The following ESRRG variants were observed in gnomAD, a reference collection of about 807,000 sequenced individuals.
The protein encoded by ESRRG is estrogen-related receptor gamma.
ESRRG carries 13 observed loss-of-function variants against 44.0 expected under a neutral mutation model. The observed-to-expected ratio is 0.30, with a 90% CI of 0.19 to 0.47. The LOEUF is 0.47. Among genes scored for constraint, ESRRG ranks in the 20% least tolerant of loss-of-function variants. The pLI, the probability that ESRRG is intolerant of heterozygous loss-of-function variation, is 1.00. For synonymous variants in ESRRG, 215 were observed against 214.6 expected (o/e 1.00, Z -0.02); for missense variants, 395 against 580.6 (o/e 0.68, Z 3.29).
chr1:216,894,968 G>A (rs2058249923), intron 2 of ESRRG, among the ~76,000 whole-genome samples: 1 of 152,080 alleles, frequency 6.6e-6, no homozygotes, highest in Non-Finnish European at 1.5e-5. Flanking sequence ...GTACAGCTCT[G>A]ATTTATGTAT....
At chr1:216,531,225 C>T (rs751929742) in intron 5 of ESRRG, among the ~76,000 whole-genome samples, 18 of 152,042 alleles carry the variant, frequency 1.2e-4, no homozygotes, top group Non-Finnish European at 2.5e-4. Flanking sequence ...ATTAGAAATC[C>T]TTACTACTGA....
At chr1:216,696,515 T>C (rs965981504) in intron 1 of ESRRG, among the ~76,000 whole-genome samples, 1 of 152,160 alleles carries the variant, frequency 6.6e-6, no homozygotes, top group African/African-American at 2.4e-5. Flanking sequence ...GGTAACTTAG[T>C]CCTTCATAAA....
chr1:216,952,006 A>G (rs903427774), intron 1 of ESRRG, among the ~76,000 whole-genome samples: 1 of 152,118 alleles, frequency 6.6e-6, no homozygotes, highest in African/African-American at 2.4e-5. Flanking sequence ...ACTTCTTACC[A>G]TAAATACACA....
At chr1:216,755,199 A>G (rs2092370900) in intron 2 of ESRRG, among the ~76,000 whole-genome samples, 1 of 151,966 alleles carries the variant, frequency 6.6e-6, no homozygotes, top group African/African-American at 2.4e-5. Flanking sequence ...AAAGCAGCAA[A>G]CTGGTGAATT....
chr1:216,762,823 A>C (rs538670212), intron 2 of ESRRG, among the ~76,000 whole-genome samples: 3 of 152,070 alleles, frequency 2.0e-5, no homozygotes, highest in Non-Finnish European at 4.4e-5. Context: ...TCTTGAGCTC[A>C]AAACACTTCC....
chr1:216,723,623 G>T (rs1331871834), upstream of ESRRG, among the ~76,000 whole-genome samples: 1 of 152,166 alleles, frequency 6.6e-6, no homozygotes, highest in African/African-American at 2.4e-5. Flanking sequence ...AGAGCCGAAG[G>T]GGGCTGGAAA....
At chr1:216,957,553 T>C (rs902228670) in intron 1 of ESRRG, among the ~76,000 whole-genome samples, 2 of 152,110 alleles carry the variant, frequency 1.3e-5, no homozygotes, top group African/African-American at 4.8e-5. Flanking sequence ...ACTCTTTCTT[T>C]CTCTAACACC....
intron 2 of ESRRG, among the ~76,000 whole-genome samples, chr1:216,855,900 A>T (rs1175594718): frequency 6.6e-6 from 1 of 152,064 alleles, no homozygotes; most frequent in Non-Finnish European, 1.5e-5. Context: ...ATGTTTATGG[A>T]CTTTATCTCA....
intron 2 of ESRRG, among the ~76,000 whole-genome samples, chr1:216,659,990 T>C (rs1357501589): frequency 1.3e-5 from 2 of 152,202 alleles, no homozygotes. Context: ...CCCATTTTAG[T>C]GTTTAGCTTC....
intron 2 of ESRRG, among the ~76,000 whole-genome samples, chr1:216,802,785 G>A (rs2094664470): frequency 1.3e-5 from 2 of 152,080 alleles, no homozygotes; most frequent in Non-Finnish European, 2.9e-5. Flanking sequence ...CACCAGGCTG[G>A]GAACTTAATT....
intron 5 of ESRRG, among the ~76,000 whole-genome samples, chr1:216,520,553 T>C (rs1270515287): frequency 6.6e-6 from 1 of 152,152 alleles, no homozygotes; most frequent in Non-Finnish European, 1.5e-5. Context: ...AGGGACTAGA[T>C]CTGTATTCTA....
intron 3 of ESRRG, among the ~76,000 whole-genome samples, chr1:216,573,943 A>G (rs1374337629): frequency 3.9e-5 from 6 of 152,068 alleles, no homozygotes; most frequent in African/African-American, 1.2e-4. Flanking sequence ...TGTCATAAGC[A>G]AACAACAACA....
At chr1:216,712,649 T>C (rs2083877166) in intron 1 of ESRRG, among the ~76,000 whole-genome samples, 1 of 152,218 alleles carries the variant, frequency 6.6e-6, no homozygotes, top group East Asian at 1.9e-4. Context: ...TTGATTATAG[T>C]GCTTTCCTCG....
At chr1:216,952,711 TA>T (rs2067183396) in intron 1 of ESRRG, among the ~76,000 whole-genome samples, 1 of 152,136 alleles carries the variant, frequency 6.6e-6, no homozygotes, top group Admixed American at 6.6e-5. Flanking sequence ...AGAAAAGGGT[TA>T]TTTTTTCTTA....
At chr1:216,769,848 A>G (rs771899778) in intron 2 of ESRRG, among the ~76,000 whole-genome samples, 9 of 152,160 alleles carry the variant, frequency 5.9e-5, no homozygotes, top group Non-Finnish European at 8.8e-5. Flanking sequence ...GAAATCACAC[A>G]AAGATATGAG....
chr1:216,918,692 T>C (rs549277121), intron 2 of ESRRG, among the ~76,000 whole-genome samples: 1 of 152,072 alleles, frequency 6.6e-6, no homozygotes, highest in African/African-American at 2.4e-5. Flanking sequence ...TGATTGTGCT[T>C]TGAGTTAAAA....
intron 2 of ESRRG, among the ~76,000 whole-genome samples, chr1:216,843,788 G>A (rs1413821947): frequency 6.6e-6 from 1 of 151,946 alleles, no homozygotes; most frequent in African/African-American, 2.4e-5. Context: ...CTGAATTAAT[G>A]CCATTTCTTC....
chr1:217,005,139 G>A (rs148868059), intron 1 of ESRRG, among the ~76,000 whole-genome samples: 18 of 152,254 alleles, frequency 1.2e-4, no homozygotes, highest in African/African-American at 4.3e-4. Context: ...GTTAGCTTGT[G>A]TATATTGTGA....
rs527262243 is a variant in ESRRG, at chr1:216,506,411, A to G, written c.*528T>C. The G allele has an allele frequency of 7.1e-5, 22 of 310,110 alleles. No individual in the cohort carries two copies. Among genetic ancestry groups the G allele is most frequent in the South Asian group, 6.3e-4 (22 of 34,946 alleles). 19.2% of individuals were successfully genotyped at this position (310,110 alleles called of 1,614,324 possible). On this transcript the variant is annotated 3_prime_UTR_variant, in exon 7 of 7. Coordinates refer to ENST00000408911, the MANE Select transcript of ESRRG (RefSeq NM_001438.4). ...AGACCTCTTTTAAAAGTTCAGCAGC[A>G]GAAGGAAGAAAAAGAAAGATGGAAA...
Sources: gnomAD v4.1 joint callset for allele counts (sites outside exome capture counted in the v4.1 genomes callset) on GRCh38, gnomAD v4.1.1 for gene constraint, MANE v1.5 for transcripts, NCBI Gene and HGNC (gene_info 2026-07-23, HGNC 2026-07-21) for gene names.